Variants in MED13L observed in about 807,000 individuals in gnomAD.
MED13L encodes mediator complex subunit 13L.
MED13L carries 7 observed loss-of-function variants against 220.9 expected under a neutral mutation model. That is an observed-to-expected ratio of 0.03 (90% confidence interval 0.02 to 0.06). The LOEUF (loss-of-function observed/expected upper bound fraction) is 0.06. MED13L is among the 10% of genes least tolerant of loss of function. The probability of loss-of-function intolerance (pLI) is 1.00; values close to 1 mark genes in which losing one functional copy is unlikely to be tolerated. For synonymous variants in MED13L, 1,011 were observed against 1,015.2 expected (o/e 1.00, Z 0.08); for missense variants, 1,965 against 2,760.5 (o/e 0.71, Z 6.46).
intron 28 of MED13L, among the ~76,000 whole-genome samples, chr12:115,968,456 G>GA (rs1483049575): frequency 6.6e-6 from 1 of 152,188 alleles, no homozygotes; most frequent in African/African-American, 2.4e-5. Context: ...CTAGAAAGAA[G>GA]AAGGCTGCAA....
At chr12:116,247,035 T>C (rs1035476535) in intron 1 of MED13L, among the ~76,000 whole-genome samples, 1 of 152,074 alleles carries the variant, frequency 6.6e-6, no homozygotes, top group African/African-American at 2.4e-5. Flanking sequence ...TAGTGGAAGA[T>C]ATAGAATTGA....
In MED13L at chr12:115,972,225, G is replaced by A; in HGVS notation, c.5743C>T (p.Leu1915Phe). 1 of 1,613,552 alleles carries A rather than the reference G, an allele frequency of 6.2e-7. No individual in the cohort carries two copies. Among genetic ancestry groups the A allele is most frequent in the Non-Finnish European group, 8.5e-7 (1 of 1,179,838 alleles). Residue 1915 changes from leucine to phenylalanine, a missense_variant, in exon 26 of 31, where the codon CTC becomes TTC. By Grantham distance (22) the Leu-to-Phe change is conservative. Around this residue, in one of 10 missense-constraint regions of MED13L, gnomAD observed 23 missense variants for 67.1 expected, o/e 0.34. Transcript: ENST00000281928. The stretch of plus-strand genomic sequence containing the variant: ...GTCTGTAGTGAACATTCTCCAAGGA[G>A]GATACTCCAATCTGAAATCAAATAT... ...GHGELKDWSI[L>F]LGECSLQTIS...
intron 2 of MED13L, among the ~76,000 whole-genome samples, chr12:116,127,580 T>C (rs1405547377): frequency 2.0e-5 from 3 of 152,150 alleles, no homozygotes; most frequent in African/African-American, 7.2e-5. Flanking sequence ...GCAGTTCAGA[T>C]GATAAAGAAA....
intron 1 of MED13L, among the ~76,000 whole-genome samples, chr12:116,269,685 AG>A (rs1194118604): frequency 6.6e-6 from 1 of 152,196 alleles, no homozygotes; most frequent in Admixed American, 6.5e-5. Context: ...CAGACAAAAA[AG>A]AAAAACAGTA....
At chr12:116,047,640 G>A (rs559042432) in intron 4 of MED13L, among the ~76,000 whole-genome samples, 1 of 152,284 alleles carries the variant, frequency 6.6e-6, no homozygotes, top group South Asian at 2.1e-4. Context: ...AACGGTGTCA[G>A]GAAACAAGCC....
At chr12:115,997,805 T>C (rs1027243630) in intron 14 of MED13L, among the ~76,000 whole-genome samples, 2 of 152,218 alleles carry the variant, frequency 1.3e-5, no homozygotes, top group Non-Finnish European at 2.9e-5. Flanking sequence ...ACATAACTTG[T>C]ATGTTTCTTC....
intron 9 of MED13L, among the ~76,000 whole-genome samples, chr12:116,009,720 A>G (rs984781747): frequency 1.3e-5 from 2 of 152,236 alleles, no homozygotes; most frequent in Admixed American, 6.5e-5. Context: ...ATAAAAGACA[A>G]CTTTGGATCT....
chr12:116,245,374 T>C (rs1871012129), intron 1 of MED13L, among the ~76,000 whole-genome samples: 1 of 152,280 alleles, frequency 6.6e-6, no homozygotes, highest in Non-Finnish European at 1.5e-5. Flanking sequence ...AGGCGCACAG[T>C]TAAGCAAATG....
intron 2 of MED13L, among the ~76,000 whole-genome samples, chr12:116,221,791 C>G (rs1868466223): frequency 6.6e-6 from 1 of 152,102 alleles, no homozygotes; most frequent in Non-Finnish European, 1.5e-5. Context: ...CTCTGATCAA[C>G]CGATAATTAA....
intron 2 of MED13L, among the ~76,000 whole-genome samples, chr12:116,198,752 T>A (rs998727718): frequency 8.5e-5 from 13 of 152,204 alleles, no homozygotes; most frequent in Non-Finnish European, 1.6e-4. Context: ...CTCTTACAGA[T>A]CTTATGACTT....
intron 1 of MED13L, among the ~76,000 whole-genome samples, chr12:116,247,222 T>C (rs1044445803): frequency 2.0e-5 from 3 of 151,216 alleles, no homozygotes; most frequent in African/African-American, 7.3e-5. Context: ...TCTGTAAGAG[T>C]ATATAGCTCT....
intron 20 of MED13L, among the ~76,000 whole-genome samples, chr12:115,983,971 C>T (rs953058976): frequency 3.3e-5 from 5 of 152,196 alleles, no homozygotes; most frequent in African/African-American, 1.2e-4. Context: ...AGTAATTAGA[C>T]ATGATTAGGC....
chr12:116,028,908 T>C (rs1000530641), intron 4 of MED13L, among the ~76,000 whole-genome samples: 2 of 152,182 alleles, frequency 1.3e-5, no homozygotes, highest in Admixed American at 1.3e-4. Flanking sequence ...CCCTAGAGAT[T>C]ACTTTCTCTC....
intron 30 of MED13L, 139 bp downstream of exon 30, chr12:115,963,268 C>T: frequency 2.7e-6 from 2 of 740,040 alleles, no homozygotes; most frequent in East Asian, 5.4e-5. Flanking sequence ...GCAGCTCTCA[C>T]TGACTCATCA....
intron 2 of MED13L, among the ~76,000 whole-genome samples, chr12:116,205,729 T>C (rs932041692): frequency 2.6e-5 from 4 of 152,022 alleles, no homozygotes; most frequent in African/African-American, 9.7e-5. Context: ...TTCCAATTAT[T>C]TTCCTACCTT....
chr12:116,122,102 A>C (rs1875155489), intron 2 of MED13L, among the ~76,000 whole-genome samples: 2 of 149,678 alleles, frequency 1.3e-5, no homozygotes, highest in African/African-American at 5.0e-5. Flanking sequence ...GTAGTGTTTA[A>C]AAAAAAAAAT....
intron 25 of MED13L, among the ~76,000 whole-genome samples, chr12:115,972,901 A>G (rs1398375423): frequency 6.6e-5 from 10 of 152,158 alleles, no homozygotes; most frequent in Admixed American, 6.5e-4. Flanking sequence ...AGAAGTGGAA[A>G]GCACTTGGTC....
At chr12:116,033,295 C>T (rs549722235) in intron 4 of MED13L, among the ~76,000 whole-genome samples, 4 of 152,010 alleles carry the variant, frequency 2.6e-5, no homozygotes, top group African/African-American at 9.7e-5. Context: ...ACCTGAAATT[C>T]GTTCACAAGA....
chr12:116,091,070 G>C (rs939029847), intron 4 of MED13L, among the ~76,000 whole-genome samples: 2 of 138,352 alleles, frequency 1.4e-5, no homozygotes, highest in African/African-American at 5.4e-5. Flanking sequence ...GCAGTGAGCT[G>C]ACATCGCACC....
Sources: allele counts gnomAD v4.1 joint callset (sites outside exome capture counted in the v4.1 genomes callset), GRCh38; gene constraint gnomAD v4.1.1; regional missense constraint gnomAD v4.1.1; transcripts MANE v1.5; gene names NCBI Gene and HGNC (gene_info 2026-07-23, HGNC 2026-07-21).